RNF220: variants seen among roughly 807,000 people sequenced by gnomAD.
RNF220 encodes the protein ring finger protein 220.
RNF220 carries 7 observed loss-of-function variants against 67.1 expected under a neutral mutation model. The ratio of observed to expected loss-of-function variants is 0.10; its 90% CI spans 0.06 to 0.20. The LOEUF (loss-of-function observed/expected upper bound fraction) is 0.20. RNF220 is among the 10% of genes least tolerant of loss of function. The probability of loss-of-function intolerance (pLI) is 1.00; values close to 1 mark genes in which losing one functional copy is unlikely to be tolerated. For missense variants in RNF220, 565 were observed against 740.3 expected (o/e 0.76, Z 2.75); for synonymous variants, 270 against 283.2 (o/e 0.95, Z 0.47).
At chr1:44,441,324 C>T (rs1651531694) in intron 2 of RNF220, among the ~76,000 whole-genome samples, 1 of 152,090 alleles carries the variant, frequency 6.6e-6, no homozygotes, top group African/African-American at 2.4e-5. Flanking sequence ...GAGAATATTA[C>T]CATCTGAATG....
chr1:44,635,986 G>A (rs1644316060), intron 7 of RNF220, 44 bp from the exon 8 acceptor site: 1 of 1,613,600 alleles, frequency 6.2e-7, no homozygotes. Flanking sequence ...GGGAGCAGGT[G>A]GGGATGGCCT....
In RNF220 at chr1:44,412,956, C is replaced by T. The variant is rs575170869; in HGVS notation, c.625+234C>T. ...AAGTTGGCCCCAGCACAGCCTTTCT[C>T]TCCGGACCCTAGTGGGCTTATTCTC... On this transcript the variant is annotated intron_variant, in intron 2 of 14. Coordinates refer to ENST00000361799, the MANE Select transcript of RNF220 (RefSeq NM_018150.4). This position sits in a 1 kb window ranked among gnomAD's most constrained non-coding sequence, Gnocchi z 5.3. Among the ~76,000 whole-genome samples, 4 of 152,280 alleles carry T rather than the reference C, an allele frequency of 2.6e-5. No individual in the cohort carries two copies. Among genetic ancestry groups the T allele is most frequent in the African/African-American group, 9.6e-5 (4 of 41,556 alleles).
Position 44,649,432 on chromosome 1 carries a change from C to T in RNF220, c.1446-229C>T. ...CGAAGGAGTGGTTGAAAATGGTTCC[C>T]TGGTATCTGGTGTAGAAATTCATCC... is the stretch of plus-strand genomic sequence containing the variant. On this transcript the variant is annotated intron_variant, in intron 12 of 14. Coordinates refer to ENST00000361799, the MANE Select transcript of RNF220 (RefSeq NM_018150.4). The surrounding 1 kb of genome is among the most constrained non-coding windows in gnomAD (Gnocchi z 5.9). The T allele has an allele frequency of 1.7e-6, 1 of 577,850 alleles. No homozygotes were observed. Among genetic ancestry groups the T allele is most frequent in the East Asian group, 2.9e-5 (1 of 34,358 alleles). The allele number at this position is 577,850 out of a possible 1,614,324, so 35.8% of individuals were successfully genotyped here.
intron 2 of RNF220, among the ~76,000 whole-genome samples, chr1:44,585,294 C>T (rs1665616434): frequency 6.6e-6 from 1 of 152,176 alleles, no homozygotes; most frequent in Non-Finnish European, 1.5e-5. Flanking sequence ...CCGTCTGAAG[C>T]CTGGCTCCAG....
intron 2 of RNF220, among the ~76,000 whole-genome samples, chr1:44,534,952 A>C (rs1031062101): frequency 4.6e-5 from 7 of 152,194 alleles, no homozygotes; most frequent in Non-Finnish European, 1.0e-4. Flanking sequence ...GATGCTATTT[A>C]GAGCGGGAAA....
intron 2 of RNF220, among the ~76,000 whole-genome samples, chr1:44,609,139 TTTCCA>T (rs1405675748): frequency 1.3e-5 from 2 of 152,140 alleles, no homozygotes; most frequent in African/African-American, 4.8e-5. Flanking sequence ...AATGGAAGTC[TTTCCA>T]TTGCAGGGGT....
chr1:44,627,383 A>C (rs1300870326), intron 5 of RNF220, among the ~76,000 whole-genome samples: 2 of 150,118 alleles, frequency 1.3e-5, no homozygotes, highest in Non-Finnish European at 3.0e-5. Flanking sequence ...GTGATACCTT[A>C]AGCAAATAAC....
At chr1:44,637,142 T>A (rs1261612307) in intron 8 of RNF220, among the ~76,000 whole-genome samples, 1 of 152,238 alleles carries the variant, frequency 6.6e-6, no homozygotes, top group East Asian at 1.9e-4. Context: ...GAAGAAGTTC[T>A]CTGCCTTCGT....
At chr1:44,407,935 G>A (rs979252135) in intron 1 of RNF220, among the ~76,000 whole-genome samples, 3 of 152,222 alleles carry the variant, frequency 2.0e-5, no homozygotes, top group African/African-American at 7.2e-5. Flanking sequence ...GCCCCGCGCG[G>A]CTGCGGACCA....
In RNF220 at chr1:44,609,438, A is replaced by G. The variant is rs191572162; in HGVS notation, c.626-4727A>G. Among the ~76,000 whole-genome samples, 6 of 152,316 alleles carry G rather than the reference A, an allele frequency of 3.9e-5. 1 individual carries two copies. In the East Asian group the frequency reaches 1.2e-3, roughly 29 times the overall value. On this transcript the variant is annotated intron_variant, in intron 2 of 14. Coordinates refer to ENST00000361799, the MANE Select transcript of RNF220 (RefSeq NM_018150.4). ...CATGCCAAGCCAGAGAGGCAATCACACGGTGGGGAGCTGCAAGGCCAGACG... is the reference window on the plus strand; with the variant it reads ...CATGCCAAGCCAGAGAGGCAATCACGCGGTGGGGAGCTGCAAGGCCAGACG...
intron 2 of RNF220, among the ~76,000 whole-genome samples, chr1:44,431,824 C>T (rs1268225298): frequency 2.0e-5 from 3 of 152,178 alleles, no homozygotes; most frequent in Non-Finnish European, 4.4e-5. Context: ...ATGATATGTG[C>T]TCATTGATCC....
chr1:44,441,874 T>A (rs142359500), intron 2 of RNF220, among the ~76,000 whole-genome samples: 499 of 152,292 alleles, frequency 3.3e-3, no homozygotes, highest in Non-Finnish European at 5.4e-3. Context: ...TTACAGTTCT[T>A]ATGGGGAACA....
At chr1:44,535,666 G>A (rs536708659) in intron 2 of RNF220, among the ~76,000 whole-genome samples, 3 of 152,304 alleles carry the variant, frequency 2.0e-5, no homozygotes, top group Non-Finnish European at 2.9e-5. Context: ...TCAGTCCTTC[G>A]ATACACCAGC....
intron 1 of RNF220, among the ~76,000 whole-genome samples, chr1:44,407,731 C>A (rs12088690): frequency 0.024 from 3,646 of 152,222 alleles, 148 homozygotes; most frequent in African/African-American, 0.083. Flanking sequence ...AGTCCAGGAG[C>A]TGGAAGGGCC....
intron 2 of RNF220, among the ~76,000 whole-genome samples, chr1:44,458,250 C>T (rs1175216613): frequency 6.6e-6 from 1 of 151,244 alleles, no homozygotes; most frequent in African/African-American, 2.4e-5. Context: ...GAGTGAGACA[C>T]TGTCTCTTAA....
intron 2 of RNF220, among the ~76,000 whole-genome samples, chr1:44,579,605 T>C (rs1665084715): frequency 6.6e-6 from 1 of 152,238 alleles, no homozygotes; most frequent in African/African-American, 2.4e-5. Context: ...CAGTTGGTTC[T>C]GGACACTCAT....
intron 2 of RNF220, among the ~76,000 whole-genome samples, chr1:44,509,065 G>A (rs1033719308): frequency 2.6e-5 from 4 of 152,146 alleles, no homozygotes; most frequent in African/African-American, 4.8e-5. Context: ...CCCCAGAGTA[G>A]GGTTTCTTAA....
rs919726408 is a variant in RNF220 at position 44,424,916 on chromosome 1, G to T, written c.625+12194G>T. 3.3e-5 allele frequency among the ~76,000 whole-genome samples: 5 copies of T among 152,374 alleles called. No homozygotes were observed. The East Asian group carries it at 9.6e-4, about 29-fold the overall frequency. ...ATCTTCTCACTGCTGTTGCTCTGCC[G>T]AGAAGGGGCTGGAGAGGGTTTGGTG... On this transcript the variant is annotated intron_variant, in intron 2 of 14. Coordinates refer to ENST00000361799, the MANE Select transcript of RNF220 (RefSeq NM_018150.4).
At chr1:44,456,091 C>G (rs1014480517) in intron 2 of RNF220, among the ~76,000 whole-genome samples, 2 of 152,136 alleles carry the variant, frequency 1.3e-5, no homozygotes. Context: ...GAGAAAGGCC[C>G]TAAGACCTTC....
Sources: gnomAD v4.1 joint callset for allele counts (sites outside exome capture counted in the v4.1 genomes callset) on GRCh38, gnomAD v4.1.1 for gene constraint, Gnocchi (gnomAD v3.1) non-coding constraint, MANE v1.5 for transcripts, NCBI Gene and HGNC (gene_info 2026-07-23, HGNC 2026-07-21) for gene names.